CLIC2: variants seen among roughly 807,000 people sequenced by gnomAD.
CLIC2 encodes the protein chloride intracellular channel protein 2.
In CLIC2, 9 loss-of-function variants were observed where a neutral mutation model predicts 14.8. The ratio of observed to expected loss-of-function variants is 0.61; its 90% CI spans 0.37 to 1.06. CLIC2 has a LOEUF of 1.06. Ranked by LOEUF, CLIC2 falls within the 50% of genes least tolerant of loss-of-function variation. The probability of loss-of-function intolerance (pLI) is 0.01; values close to 1 mark genes in which losing one functional copy is unlikely to be tolerated. For synonymous variants in CLIC2, 61 were observed against 66.3 expected (o/e 0.92, Z 0.39); for missense variants, 148 against 181.4 (o/e 0.82, Z 1.06).
chrX:155,304,685 TTC>T (rs1200891033), intron 1 of CLIC2, among the ~76,000 whole-genome samples: 5 of 101,423 alleles, frequency 4.9e-5, no homozygotes, highest in Non-Finnish European at 1.0e-4. Flanking sequence ...AGTTTTTCTG[TTC>T]TGTTTTTTCC....
rs367709540 is a variant in CLIC2 at position 155,289,144 on chromosome X, C to CA, written c.294-9077dup. Reference sequence around the variant, plus strand: ...GGGCAACAAGAGCAAAACTCCGTCTCAAAAAAAAAAAAAATGAGTGTTTCA... The same window carrying CA: ...GGGCAACAAGAGCAAAACTCCGTCTCAAAAAAAAAAAAAAATGAGTGTTTCA... On this transcript the variant is annotated intron_variant, in intron 3 of 5. Coordinates refer to ENST00000369449, the MANE Select transcript of CLIC2 (RefSeq NM_001289.6). Among the ~76,000 whole-genome samples the CA allele has an allele frequency of 4.9e-3, 408 of 82,742 alleles. 1 individual carries two copies. Among genetic ancestry groups the CA allele is most frequent in the Middle Eastern group, 0.014 (2 of 143 alleles). 71.9% of individuals were successfully genotyped at this position (82,742 alleles called of 115,157 possible). A position where few individuals can be genotyped will look rare whatever the true frequency, so the allele number is the denominator to read the frequency against.
intron 1 of CLIC2, among the ~76,000 whole-genome samples, chrX:155,305,448 G>A (rs5940434): frequency 4.3e-3 from 479 of 112,193 alleles, no homozygotes; most frequent in Non-Finnish European, 7.7e-3. Flanking sequence ...CACGGTGCAC[G>A]CACCCACTGA....
At chrX:155,333,351 A>C (rs1008202464) in intron 1 of CLIC2, among the ~76,000 whole-genome samples, 1 of 111,348 alleles carries the variant, frequency 9.0e-6, no homozygotes, top group East Asian at 2.8e-4. Flanking sequence ...AATAACTAAA[A>C]GTTGTAATGA....
intron 1 of CLIC2, among the ~76,000 whole-genome samples, chrX:155,331,744 C>T (rs2075157611): frequency 9.0e-6 from 1 of 110,797 alleles, no homozygotes; most frequent in African/African-American, 3.3e-5. Context: ...AGGACCAGGA[C>T]TATATCCTCC....
chrX:155,296,572 T>C (rs782279869), intron 3 of CLIC2, among the ~76,000 whole-genome samples: 1 of 111,292 alleles, frequency 9.0e-6, no homozygotes, highest in East Asian at 2.8e-4. Flanking sequence ...AGACAACCTT[T>C]TGAATGAGAG....
chrX:155,278,148 A>T, intron 5 of CLIC2, 84 bp from the exon 6 acceptor site: 1 of 802,245 alleles, frequency 1.2e-6, no homozygotes, highest in Non-Finnish European at 1.9e-6. Context: ...AGTCAAGATT[A>T]TCAAAGGCAT....
At chrX:155,333,690 A>G (rs1038542062) in intron 1 of CLIC2, among the ~76,000 whole-genome samples, 1 of 102,808 alleles carries the variant, frequency 9.7e-6, no homozygotes, top group Non-Finnish European at 2.0e-5. Flanking sequence ...CTCTTGATTT[A>G]GGGGTTTTCC....
intron 3 of CLIC2, chrX:155,293,047 A>C (rs2074980141): frequency 9.5e-6 from 6 of 633,934 alleles, no homozygotes; most frequent in Non-Finnish European, 1.6e-5. Context: ...GTACGAGGCC[A>C]CTCTGGATCC....
intron 1 of CLIC2, among the ~76,000 whole-genome samples, chrX:155,320,264 G>C (rs1569561380): frequency 8.9e-6 from 1 of 112,232 alleles, no homozygotes; most frequent in East Asian, 2.8e-4. Flanking sequence ...TCCTGACTGG[G>C]AGACTCCTCC....
chrX:155,282,603 C>T (rs2074924164), intron 3 of CLIC2, among the ~76,000 whole-genome samples: 1 of 110,928 alleles, frequency 9.0e-6, no homozygotes, highest in Non-Finnish European at 1.9e-5. Flanking sequence ...GGCCAGTAGC[C>T]CCAGACTCCA....
At chrX:155,303,232 A>C (rs2124184251) in intron 1 of CLIC2, among the ~76,000 whole-genome samples, 1 of 46,515 alleles carries the variant, frequency 2.1e-5, no homozygotes, top group Admixed American at 2.9e-4. Context: ...TTTGTAGGTC[A>C]CTCAGGACTT....
intron 1 of CLIC2, among the ~76,000 whole-genome samples, chrX:155,307,682 C>T (rs781905182): frequency 9.9e-5 from 11 of 110,638 alleles, no homozygotes; most frequent in East Asian, 8.5e-4. Flanking sequence ...GTCAGGGGTT[C>T]GAGACCAGCC....
intron 1 of CLIC2, among the ~76,000 whole-genome samples, chrX:155,318,096 G>A (rs1306249672): frequency 1.8e-5 from 2 of 111,414 alleles, no homozygotes; most frequent in African/African-American, 3.3e-5. Flanking sequence ...CATAGCCAAC[G>A]TTATACTGAA....
intron 3 of CLIC2, among the ~76,000 whole-genome samples, chrX:155,285,817 ATTTC>A (rs60409049): frequency 0.028 from 3,068 of 109,102 alleles, 101 homozygotes; most frequent in African/African-American, 0.092. Flanking sequence ...TAAAAACCAT[ATTTC>A]TTTCTTTCTT....
At chrX:155,278,116 C>T (rs2074905051) in intron 5 of CLIC2, 52 bp from the exon 6 acceptor site, 2 of 1,040,562 alleles carry the variant, frequency 1.9e-6, no homozygotes, top group African/African-American at 1.9e-5. Flanking sequence ...AATATGCCTA[C>T]TATGTAGAAA....
chrX:155,333,113 G>C (rs1391267654), intron 1 of CLIC2, among the ~76,000 whole-genome samples: 4 of 111,943 alleles, frequency 3.6e-5, no homozygotes, highest in African/African-American at 9.7e-5. Flanking sequence ...GAAAAGACAG[G>C]TTGATGATGT....
At chrX:155,314,327 C>T (rs185071006) in intron 1 of CLIC2, among the ~76,000 whole-genome samples, 1 of 112,385 alleles carries the variant, frequency 8.9e-6, no homozygotes, top group Admixed American at 9.4e-5. Context: ...TCACAGAATC[C>T]ACTTCACTCC....
At chrX:155,291,020 A>T in intron 3 of CLIC2, 1 of 716,925 alleles carries the variant, frequency 1.4e-6, no homozygotes, top group Non-Finnish European at 2.2e-6. Context: ...CAAATACTTC[A>T]TCTTTAACGT....
chrX:155,278,800 G>T (rs1411481900), intron 5 of CLIC2: 2 of 160,175 alleles, frequency 1.2e-5, no homozygotes, highest in African/African-American at 6.2e-5. Context: ...GCCAGGCGTG[G>T]TGGCACGCAC....
Sources: allele counts gnomAD v4.1 joint callset (sites outside exome capture counted in the v4.1 genomes callset), GRCh38; gene constraint gnomAD v4.1.1; transcripts MANE v1.5; gene names NCBI Gene and HGNC (gene_info 2026-07-23, HGNC 2026-07-21).